CLCA2: variants seen among roughly 807,000 people sequenced by gnomAD.
CLCA2 encodes the protein calcium-activated chloride channel regulator 2.
CLCA2 carries 85 observed loss-of-function variants against 82.9 expected under a neutral mutation model. That is an observed-to-expected ratio of 1.03 (90% CI 0.86 to 1.23). The LOEUF (loss-of-function observed/expected upper bound fraction) is 1.23. Among genes scored for constraint, CLCA2 ranks in the 50% most tolerant of loss-of-function variants. CLCA2 has a pLI of 0.00. For missense variants in CLCA2, 1,089 were observed against 1,124.8 expected (o/e 0.97, Z 0.45); for synonymous variants, 421 against 391.7 (o/e 1.07, Z -0.88).
At chr1:86,424,962 C>A (rs1483173539) in intron 1 of CLCA2, among the ~76,000 whole-genome samples, 1 of 152,104 alleles carries the variant, frequency 6.6e-6, no homozygotes, top group Non-Finnish European at 1.5e-5. Context: ...AGGATCATAG[C>A]TCTATGATGT....
chr1:86,442,346 T>C (rs1014737270), intron 9 of CLCA2, among the ~76,000 whole-genome samples: 11 of 152,228 alleles, frequency 7.2e-5, no homozygotes, highest in Non-Finnish European at 1.3e-4. Context: ...TCAATCTTTA[T>C]GCCCTGTGAC....
At chr1:86,433,823 G>A (rs72951849) in intron 5 of CLCA2, among the ~76,000 whole-genome samples, 2,751 of 152,234 alleles carry the variant, frequency 0.018, 88 homozygotes, top group African/African-American at 0.064. Context: ...AGTTTCCATG[G>A]CTCTGTTAAT....
At chr1:86,434,038 C>T (rs1416778061) in intron 5 of CLCA2, among the ~76,000 whole-genome samples, 1 of 151,894 alleles carries the variant, frequency 6.6e-6, no homozygotes, top group East Asian at 1.9e-4. Flanking sequence ...AGTTGTTTAT[C>T]CCCTTATCTA....
rs766042730 is a variant in CLCA2 at position 86,434,570 on chromosome 1, A to C, written c.797A>C (p.Gln266Pro). 1.2e-6 allele frequency: 2 copies of C among 1,614,152 alleles called. No homozygotes were observed. The highest frequency in any genetic ancestry group is 4.5e-5 in the East Asian group (2 of 44,872). The change falls in exon 6 of 14, where the codon CAG (glutamine) becomes CCG (proline). Residue 266 changes from glutamine to proline, a missense_variant. Physicochemically the swap from Gln to Pro is moderately conservative, Grantham distance 76. Coordinates refer to ENST00000370565, the MANE Select transcript of CLCA2 (RefSeq NM_006536.7). ...STHNQEAPNL[Q>P]NQMCSLRSAW... The stretch of plus-strand genomic sequence containing the variant: ...CACAACCAAGAAGCACCAAACCTAC[A>C]GAACCAGATGTGCAGCCTCAGAAGT...
At position 86,453,607 on chromosome 1, in the gene CLCA2, G is replaced by C. The variant is rs761707922; in HGVS notation, c.2389+5G>C. ...AAGACTTTGATCAGGGCCAGGGTAG[G>C]TTTGCTCATTTCATTACCTATTTTT... On this transcript the variant is annotated splice_donor_5th_base_variant and intron_variant, in intron 13 of 13. Coordinates refer to ENST00000370565, the MANE Select transcript of CLCA2 (RefSeq NM_006536.7). 1.2e-6 allele frequency: 2 copies of C among 1,611,588 alleles called. No homozygotes were observed. Among genetic ancestry groups the C allele is most frequent in the South Asian group, 2.2e-5 (2 of 90,974 alleles).
intron 10 of CLCA2, 89 bp downstream of exon 10, chr1:86,444,100 G>GA (rs1352738864): frequency 1.2e-4 from 106 of 853,256 alleles, no homozygotes; most frequent in Non-Finnish European, 1.7e-4. Context: ...ATTGTGTAAA[G>GA]AAAATCTTGT....
chr1:86,440,877 G>A (rs1169697813), intron 8 of CLCA2, among the ~76,000 whole-genome samples: 3 of 152,060 alleles, frequency 2.0e-5, no homozygotes, highest in African/African-American at 7.2e-5. Context: ...CTCCAGCCTG[G>A]GTGACAGAAC....
Position 86,455,186 on chromosome 1 carries a change from G to A in CLCA2, c.2491G>A (p.Ala831Thr). 1 of 1,613,776 alleles carries A rather than the reference G, an allele frequency of 6.2e-7. No homozygotes were observed. Among genetic ancestry groups the A allele is most frequent in the Non-Finnish European group, 8.5e-7 (1 of 1,179,758 alleles). The change falls in exon 14 of 14, where the codon GCT becomes ACT. Residue 831 changes from alanine (A) to threonine (T), a missense_variant. Ala to Thr is a moderately conservative substitution (Grantham distance 58, BLOSUM62 0). Coordinates refer to ENST00000370565, the MANE Select transcript of CLCA2 (RefSeq NM_006536.7). ...TACATCAAAGCGAAATCCTCAGCAA[G>A]CTGGCATCAGGGAGATATTTACGTT... Reference protein sequence around the residue: ...VNTSKRNPQQAGIREIFTFSP... With the variant: ...VNTSKRNPQQTGIREIFTFSP...
At chr1:86,454,804 A>G (rs553850851) in intron 13 of CLCA2, among the ~76,000 whole-genome samples, 72 of 152,178 alleles carry the variant, frequency 4.7e-4, no homozygotes, top group Middle Eastern at 3.4e-3. Flanking sequence ...ACAAAACAAA[A>G]CAAAAACAAA....
chr1:86,424,694 C>A (rs1215217250), intron 1 of CLCA2, among the ~76,000 whole-genome samples: 1 of 152,076 alleles, frequency 6.6e-6, no homozygotes, highest in African/African-American at 2.4e-5. Flanking sequence ...CTTTTGTTTT[C>A]CTACATGACT....
chr1:86,428,390 G>C (rs761769984), intron 2 of CLCA2, 28 bp from the exon 3 acceptor site: 4 of 1,568,372 alleles, frequency 2.6e-6, no homozygotes, highest in East Asian at 4.6e-5. Context: ...AGCTGAGAAA[G>C]TATTACAAGG....
chr1:86,432,107 T>A (rs1431059486), intron 4 of CLCA2, among the ~76,000 whole-genome samples: 1 of 152,126 alleles, frequency 6.6e-6, no homozygotes, highest in Non-Finnish European at 1.5e-5. Flanking sequence ...GGCTAATTTT[T>A]GTATTTTTAG....
rs565013803 is a variant in CLCA2, at chr1:86,455,208, C to A, written c.2513C>A (p.Thr838Lys). The stretch of plus-strand genomic sequence containing the variant: ...CAAGCTGGCATCAGGGAGATATTTA[C>A]GTTCTCACCCCAAATTTCCACGAAT... ...PQQAGIREIF[T>K]FSPQISTNGP... Residue 838 changes from threonine (T) to lysine (K), a missense_variant, in exon 14 of 14, where the codon ACG becomes AAG. Transcript: ENST00000370565. 1 of 1,613,918 alleles carries A rather than the reference C, an allele frequency of 6.2e-7. No individual in the cohort carries two copies. The highest frequency in any genetic ancestry group is 8.5e-7 in the Non-Finnish European group (1 of 1,179,942).
chr1:86,443,304 C>T (rs1264168742), intron 9 of CLCA2, among the ~76,000 whole-genome samples: 1 of 152,200 alleles, frequency 6.6e-6, no homozygotes, highest in African/African-American at 2.4e-5. Flanking sequence ...GCTGGGATTA[C>T]AGGCATGAGC....
Position 86,441,579 on chromosome 1 carries a change from G to A in CLCA2, c.1488+36G>A, listed in dbSNP as rs56398778. ...TCTCAATGTTATATTTCCAGGTGGG[G>A]AGTGGGAAGGGAGAAGGAAACAAGG... On this transcript the variant is annotated intron_variant, in intron 9 of 13. Transcript: ENST00000370565. The A allele has an allele frequency of 4.0e-3, 5,504 of 1,376,492 alleles. 76 individuals carry two copies. The African/African-American group carries it at 0.041, about 10-fold the overall frequency. The allele number at this position is 1,376,492 out of a possible 1,614,324, so 85.3% of individuals were successfully genotyped here.
intron 6 of CLCA2, among the ~76,000 whole-genome samples, chr1:86,436,244 A>C (rs1662607706): frequency 6.6e-6 from 1 of 152,166 alleles, no homozygotes; most frequent in African/African-American, 2.4e-5. Context: ...CCAACTGTGC[A>C]CTCAGTGACA....
At chr1:86,435,156 GT>G (rs1662582623) in intron 6 of CLCA2, among the ~76,000 whole-genome samples, 1 of 152,150 alleles carries the variant, frequency 6.6e-6, no homozygotes, top group African/African-American at 2.4e-5. Flanking sequence ...GAGGCAAAAG[GT>G]TTGGAATAGT....
chr1:86,441,467 C>T lies in CLCA2; in HGVS notation c.1412C>T (p.Ser471Leu). The change falls in exon 9 of 14, where the codon TCA becomes TTA. Residue 471 changes from serine (S) to leucine (L), a missense_variant. Physicochemically the swap from Ser to Leu is moderately radical, Grantham distance 145 (BLOSUM62 -2). Transcript: ENST00000370565. The stretch of plus-strand genomic sequence containing the variant: ...TTAAAGTTCTTTGTTCCAGATATAT[C>T]AAACTCCAATAGCATGATTGATGCT... ...GGLKFFVPDISNSNSMIDAFS... is the reference protein window; with the variant it reads ...GGLKFFVPDILNSNSMIDAFS... 1.2e-6 allele frequency: 2 copies of T among 1,608,446 alleles called. No individual in the cohort carries two copies. The highest frequency in any genetic ancestry group is 2.7e-5 in the African/African-American group (2 of 74,992).
chr1:86,447,724 G>A lies in CLCA2; in HGVS notation c.1930G>A (p.Val644Ile), dbSNP rs755246880. ...PILNATVTATVEPETGDPVTL... is the reference protein window; with the variant it reads ...PILNATVTATIEPETGDPVTL... ...TCTTAATGCCACTGTCACTGCCACA[G>A]TTGAGCCAGAGACTGGAGATCCTGT... Residue 644 changes from valine to isoleucine, a missense_variant, in exon 11 of 14, where the codon GTT (valine) becomes ATT (isoleucine). Physicochemically the swap from Val to Ile is conservative, Grantham distance 29 (BLOSUM62 3). Transcript: ENST00000370565. 8.1e-6 allele frequency: 13 copies of A among 1,614,054 alleles called. No individual in the cohort carries two copies. The highest frequency in any genetic ancestry group is 9.3e-6 in the Non-Finnish European group (11 of 1,180,006).
Sources: allele counts gnomAD v4.1 joint callset (sites outside exome capture counted in the v4.1 genomes callset), GRCh38; gene constraint gnomAD v4.1.1; transcripts MANE v1.5; gene names NCBI Gene and HGNC (gene_info 2026-07-23, HGNC 2026-07-21).